ZNF385D: variants seen among roughly 807,000 people sequenced by gnomAD.
ZNF385D encodes the protein zinc finger protein 659.
ZNF385D carries 15 observed loss-of-function variants against 35.8 expected under a neutral mutation model. That is an observed-to-expected ratio of 0.42 (90% CI 0.28 to 0.64). The LOEUF (loss-of-function observed/expected upper bound fraction) is 0.64. ZNF385D is among the 30% of genes least tolerant of loss of function. The pLI is 0.23. For missense variants in ZNF385D, 474 were observed against 494.6 expected, an observed-to-expected ratio of 0.96 and a Z score of 0.39; for synonymous variants, 212 against 186.8, an observed-to-expected ratio of 1.13 and a Z score of -1.10.
intron 3 of ZNF385D, among the ~76,000 whole-genome samples, chr3:21,758,280 T>C (rs1364780896): frequency 6.6e-6 from 1 of 152,188 alleles, no homozygotes; most frequent in East Asian, 1.9e-4. Context: ...GGTTTCAACA[T>C]ATCCTAGAAC....
In ZNF385D at chr3:22,311,350, G is replaced by A. The variant is rs114494650; in HGVS notation, c.106+61100C>T. Among the ~76,000 whole-genome samples the A allele has an allele frequency of 4.6e-3, 696 of 152,042 alleles. 1 individual carries two copies. The highest frequency in any genetic ancestry group is 7.3e-3 in the Non-Finnish European group (496 of 67,924). On this transcript the variant is annotated intron_variant, in intron 2 of 5. Coordinates refer to the ZNF385D transcript ENST00000494108. ...TCTTTTTCTCTCCTTGACATGGAAT[G>A]CTTACAAAAACTTCTGATTAGGTTG... is the stretch of plus-strand genomic sequence containing the variant.
chr3:21,477,443 A>C (rs1351496476), intron 4 of ZNF385D, among the ~76,000 whole-genome samples: 3 of 152,018 alleles, frequency 2.0e-5, no homozygotes, highest in Non-Finnish European at 4.4e-5. Flanking sequence ...AATAGTAATA[A>C]ACATCAAAAA....
intron 3 of ZNF385D, chr3:22,168,677 G>A (rs1009285129): frequency 2.3e-5 from 9 of 388,292 alleles, no homozygotes; most frequent in Non-Finnish European, 3.2e-5. Flanking sequence ...GTATTTTAAT[G>A]TACTCTGCTG....
chr3:22,181,349 C>A (rs1452032665), intron 2 of ZNF385D, among the ~76,000 whole-genome samples: 1 of 152,058 alleles, frequency 6.6e-6, no homozygotes, highest in Non-Finnish European at 1.5e-5. Flanking sequence ...TCAGACCTTT[C>A]CACAGTCCAC....
chr3:21,673,199 C>T (rs975411322), intron 1 of ZNF385D, among the ~76,000 whole-genome samples: 3 of 151,928 alleles, frequency 2.0e-5, no homozygotes, highest in African/African-American at 7.3e-5. Context: ...AATATGGTGG[C>T]CATTGACAGT....
At chr3:21,790,538 G>A (rs1021770833) in intron 3 of ZNF385D, among the ~76,000 whole-genome samples, 1 of 152,098 alleles carries the variant, frequency 6.6e-6, no homozygotes, top group Non-Finnish European at 1.5e-5. Context: ...AAAATAAAGA[G>A]AAGAAAATGT....
chr3:21,747,172 C>G (rs750338130), intron 1 of ZNF385D, among the ~76,000 whole-genome samples: 6 of 151,828 alleles, frequency 4.0e-5, no homozygotes, highest in Admixed American at 2.0e-4. Context: ...GAGAGTTGAT[C>G]CACAACTAAC....
intron 3 of ZNF385D, among the ~76,000 whole-genome samples, chr3:21,946,366 A>G (rs1701782242): frequency 6.6e-6 from 1 of 152,174 alleles, no homozygotes; most frequent in Admixed American, 6.5e-5. Flanking sequence ...CAACACATAA[A>G]GCAGTCTACA....
At chr3:21,423,027 A>G (rs58128955) in intron 7 of ZNF385D, among the ~76,000 whole-genome samples, 18,157 of 152,244 alleles carry the variant, frequency 0.12, 1,303 homozygotes, top group African/African-American at 0.18. Flanking sequence ...AATCCACATA[A>G]GAAGAGAAGA....
At chr3:22,161,583 A>G (rs1162834482) in intron 3 of ZNF385D, among the ~76,000 whole-genome samples, 1 of 152,140 alleles carries the variant, frequency 6.6e-6, no homozygotes, top group Non-Finnish European at 1.5e-5. Flanking sequence ...GTCAACTTCT[A>G]ATATAGAATT....
chr3:22,260,428 C>A (rs1172764894), intron 2 of ZNF385D, among the ~76,000 whole-genome samples: 1 of 151,852 alleles, frequency 6.6e-6, no homozygotes, highest in East Asian at 1.9e-4. Flanking sequence ...GTTGGGTTGA[C>A]AGGTGCAGCA....
At chr3:21,695,856 A>G (rs971125143) in intron 1 of ZNF385D, among the ~76,000 whole-genome samples, 1 of 152,178 alleles carries the variant, frequency 6.6e-6, no homozygotes, top group East Asian at 1.9e-4. Flanking sequence ...TACAGTGAAA[A>G]GATGTAGTGT....
intron 3 of ZNF385D, among the ~76,000 whole-genome samples, chr3:21,887,574 A>G (rs183416044): frequency 1.8e-4 from 28 of 152,232 alleles, no homozygotes; most frequent in Admixed American, 1.8e-3. Flanking sequence ...GTAACAACAT[A>G]TATGGAATTT....
intron 3 of ZNF385D, among the ~76,000 whole-genome samples, chr3:21,956,443 G>A (rs1297607364): frequency 6.6e-6 from 1 of 151,846 alleles, no homozygotes; most frequent in African/African-American, 2.4e-5. Flanking sequence ...GGGAGAAGAA[G>A]AAAAAGGATT....
intron 3 of ZNF385D, among the ~76,000 whole-genome samples, chr3:21,782,472 G>C (rs1355480232): frequency 6.6e-6 from 1 of 152,012 alleles, no homozygotes; most frequent in Non-Finnish European, 1.5e-5. Context: ...TTCTAATTCA[G>C]GGTTGTTTTA....
chr3:21,741,957 C>G (rs1340168894), intron 1 of ZNF385D, among the ~76,000 whole-genome samples: 1 of 152,140 alleles, frequency 6.6e-6, no homozygotes, highest in African/African-American at 2.4e-5. Context: ...ATACAAGAGG[C>G]TATTTGATGA....
intron 3 of ZNF385D, among the ~76,000 whole-genome samples, chr3:21,924,821 T>C (rs1293051662): frequency 6.6e-6 from 1 of 151,420 alleles, no homozygotes; most frequent in African/African-American, 2.4e-5. Flanking sequence ...TAAAAAGGAG[T>C]CTCTCCTTAC....
At chr3:22,158,811 C>T (rs1460643703) in intron 3 of ZNF385D, among the ~76,000 whole-genome samples, 2 of 151,650 alleles carry the variant, frequency 1.3e-5, no homozygotes, top group African/African-American at 4.8e-5. Context: ...AAAGGGTGGG[C>T]CTCAGAATGC....
At chr3:21,775,268 A>C (rs879374470) in intron 3 of ZNF385D, among the ~76,000 whole-genome samples, 3 of 151,872 alleles carry the variant, frequency 2.0e-5, no homozygotes, top group Admixed American at 1.3e-4. Context: ...AGGGTTGCAA[A>C]GTATTTGCAG....
Sources: allele counts gnomAD v4.1 joint callset (sites outside exome capture counted in the v4.1 genomes callset), GRCh38; gene constraint gnomAD v4.1.1; transcripts MANE v1.5; gene names NCBI Gene and HGNC (gene_info 2026-07-23, HGNC 2026-07-21).